Variants in PCNT observed in about 807,000 individuals in gnomAD.
PCNT encodes pericentrin.
Under a neutral mutation model 380.4 loss-of-function variants are expected in PCNT, and 319 were observed. The ratio of observed to expected loss-of-function variants is 0.84; its 90% CI spans 0.77 to 0.92. The LOEUF is 0.92. PCNT is among the 40% of genes least tolerant of loss of function. The probability of loss-of-function intolerance (pLI) is 0.00; values close to 1 mark genes in which losing one functional copy is unlikely to be tolerated. For missense variants in PCNT, 4,400 were observed against 4,255.3 expected (o/e 1.03, Z -0.95); for synonymous variants, 1,845 against 1,735.2 (o/e 1.06, Z -1.57).
intron 29 of PCNT, among the ~76,000 whole-genome samples, chr21:46,415,206 C>T (rs1057077433): frequency 6.6e-6 from 1 of 152,172 alleles, no homozygotes; most frequent in Admixed American, 6.5e-5. Context: ...CCACAGAAAT[C>T]AGGGAAGGAT....
chr21:46,423,281 C>T (rs960356951), intron 32 of PCNT, among the ~76,000 whole-genome samples: 1 of 151,234 alleles, frequency 6.6e-6, no homozygotes, highest in Non-Finnish European at 1.5e-5. Flanking sequence ...ACCTCTGCCT[C>T]CTGGGCTCAA....
intron 34 of PCNT, 84 bp downstream of exon 34, chr21:46,427,879 G>C: frequency 6.8e-7 from 1 of 1,464,974 alleles, no homozygotes; most frequent in Non-Finnish European, 9.5e-7. Flanking sequence ...TGTTTTGTGT[G>C]TGAATTTCGG....
intron 13 of PCNT, among the ~76,000 whole-genome samples, chr21:46,363,106 A>AC (rs1316739838): frequency 2.0e-5 from 3 of 152,160 alleles, no homozygotes; most frequent in African/African-American, 7.2e-5. Context: ...CGTTCCCCTA[A>AC]CAGAGGCCTG....
chr21:46,417,831 A>G (rs1454490205), intron 30 of PCNT, among the ~76,000 whole-genome samples: 2 of 152,306 alleles, frequency 1.3e-5, no homozygotes, highest in African/African-American at 2.4e-5. Flanking sequence ...TGACCTTGGG[A>G]GGTTGAGGAT....
intron 13 of PCNT, among the ~76,000 whole-genome samples, chr21:46,357,799 G>A (rs761019949): frequency 1.3e-4 from 20 of 152,202 alleles, no homozygotes; most frequent in Admixed American, 1.3e-4. Context: ...GCACAAGCCC[G>A]GGTGCCAAGC....
intron 3 of PCNT, among the ~76,000 whole-genome samples, chr21:46,342,181 A>T (rs939454480): frequency 3.9e-5 from 6 of 152,056 alleles, no homozygotes; most frequent in African/African-American, 1.4e-4. Flanking sequence ...ATCTTGGCTC[A>T]CTGCAACCTC....
intron 19 of PCNT, among the ~76,000 whole-genome samples, chr21:46,390,137 G>A (rs776638474): frequency 2.0e-5 from 3 of 152,226 alleles, no homozygotes; most frequent in Non-Finnish European, 4.4e-5. Context: ...AGCCAGCCTG[G>A]GCAACATAGC....
intron 33 of PCNT, among the ~76,000 whole-genome samples, chr21:46,427,307 C>T (rs748225596): frequency 3.9e-5 from 6 of 152,192 alleles, no homozygotes; most frequent in Admixed American, 6.5e-5. Flanking sequence ...GCTCAGCTGC[C>T]GTAACAGAAC....
chr21:46,429,969 G>A, intron 35 of PCNT, 41 bp from the exon 36 acceptor site: 4 of 1,529,022 alleles, frequency 2.6e-6, no homozygotes, highest in Non-Finnish European at 2.7e-6. Flanking sequence ...GCAGCACGAG[G>A]AGCTCATGGG....
Position 46,424,855 on chromosome 21 carries a change from T to A in PCNT, c.7180-976T>A, listed in dbSNP as rs2087428849. 2.0e-5 allele frequency among the ~76,000 whole-genome samples: 3 copies of A among 152,090 alleles called. 1 individual carries two copies. On this transcript the variant is annotated intron_variant, in intron 32 of 46. Coordinates refer to ENST00000359568, the MANE Select transcript of PCNT (RefSeq NM_006031.6). Reference sequence around the variant, plus strand: ...CCATCCTGTGCCACATACGTTATGTTTAAAGTAAAAGTGTTTTCAGTTGTT... The same window carrying A: ...CCATCCTGTGCCACATACGTTATGTATAAAGTAAAAGTGTTTTCAGTTGTT...
At chr21:46,423,674 T>G (rs571426305) in intron 32 of PCNT, among the ~76,000 whole-genome samples, 2 of 82,516 alleles carry the variant, frequency 2.4e-5, no homozygotes, top group South Asian at 9.7e-4. Context: ...CTGTAGCCCT[T>G]GAGGCAGCAG....
rs540401795 is a variant in PCNT at position 46,404,737 on chromosome 21, C to T, written c.5115+2254C>T. Among the ~76,000 whole-genome samples the T allele has an allele frequency of 5.3e-5, 8 of 152,246 alleles. No individual in the cohort carries two copies. The East Asian group carries it at 1.5e-3, about 29-fold the overall frequency. On this transcript the variant is annotated intron_variant, in intron 27 of 46. Coordinates refer to ENST00000359568, the MANE Select transcript of PCNT (RefSeq NM_006031.6). ...GACTGAGGAGGGTGGGTTACTTGAG[C>T]TCAGGAGTTCGAGACCAGCCTAAAC...
intron 21 of PCNT, 141 bp downstream of exon 21, chr21:46,391,517 G>T: frequency 1.4e-6 from 1 of 706,796 alleles, no homozygotes; most frequent in Non-Finnish European, 2.3e-6. Context: ...GGAACACTGG[G>T]CATGGGAAGC....
chr21:46,412,739 G>C, intron 28 of PCNT, 98 bp from the exon 29 acceptor site: 1 of 1,288,242 alleles, frequency 7.8e-7, no homozygotes, highest in Middle Eastern at 1.8e-4. Context: ...TGGCATCCCT[G>C]CTGGCTGCCG....
intron 41 of PCNT, among the ~76,000 whole-genome samples, chr21:46,439,004 G>C (rs1161370599): frequency 6.6e-6 from 1 of 152,034 alleles, no homozygotes; most frequent in Non-Finnish European, 1.5e-5. Flanking sequence ...GGTATAGTTG[G>C]ATAGAGTTAT....
chr21:46,379,288 C>T (rs1475018986), intron 15 of PCNT, among the ~76,000 whole-genome samples: 1 of 151,890 alleles, frequency 6.6e-6, no homozygotes, highest in African/African-American at 2.4e-5. Flanking sequence ...GAGCCGCGCC[C>T]GTCTTCCCGG....
rs749150382 is a variant in PCNT, at chr21:46,381,792, A to G, written c.3264A>G (p.Lys1088=). 25 of 1,614,136 alleles carry G rather than the reference A, an allele frequency of 1.5e-5. 1 individual carries two copies. The South Asian group carries it at 2.7e-4, about 18-fold the overall frequency. ...AQAQPFHQEE[K]ESLSLQLQKK... ...CACAGCCTTTTCACCAAGAGGAGAA[A>G]GAGTCTTTGTCTCTGCAGCTTCAAA... The change falls in exon 16 of 47, where the codon AAA becomes AAG. Residue 1088 remains lysine (K), a synonymous_variant. Transcript: ENST00000359568.
intron 35 of PCNT, 117 bp from the exon 36 acceptor site, chr21:46,429,893 C>T: frequency 1.3e-6 from 1 of 769,396 alleles, no homozygotes; most frequent in Non-Finnish European, 2.2e-6. Flanking sequence ...CACAGAACCT[C>T]CTTTCTTCCC....
chr21:46,411,054 C>T, intron 27 of PCNT, 135 bp from the exon 28 acceptor site: 1 of 947,952 alleles, frequency 1.1e-6, no homozygotes, highest in Non-Finnish European at 1.7e-6. Flanking sequence ...CAGCAGTTTG[C>T]TTCTATGGCT....
Sources: gnomAD v4.1 joint callset for allele counts (sites outside exome capture counted in the v4.1 genomes callset) on GRCh38, gnomAD v4.1.1 for gene constraint, MANE v1.5 for transcripts, NCBI Gene and HGNC (gene_info 2026-07-23, HGNC 2026-07-21) for gene names.